BRI3BP: variants seen among roughly 807,000 people sequenced by gnomAD.
BRI3BP encodes BRI3-binding protein.
BRI3BP carries 7 observed loss-of-function variants against 15.8 expected under a neutral mutation model. That is an observed-to-expected ratio of 0.44 (90% CI 0.25 to 0.83). The LOEUF (loss-of-function observed/expected upper bound fraction) is 0.83. Among genes scored for constraint, BRI3BP ranks in the 40% least tolerant of loss-of-function variants. BRI3BP has a pLI of 0.20. For missense variants in BRI3BP, 320 were observed against 339.3 expected (o/e 0.94, Z 0.45); for synonymous variants, 192 against 163.5 (o/e 1.17, Z -1.33).
rs750593120 is a variant in BRI3BP at position 125,006,378 on chromosome 12, G to A, written c.214-6156G>A. On this transcript the variant is annotated intron_variant, in intron 1 of 2. Transcript: ENST00000341446. Reference sequence around the variant, plus strand: ...AACGGCAAGAGATGGGATCCTCCCCGAATTCACCCTCTCCTGCCCGGGGCC... The same window carrying A: ...AACGGCAAGAGATGGGATCCTCCCCAAATTCACCCTCTCCTGCCCGGGGCC... 3.9e-5 allele frequency among the ~76,000 whole-genome samples: 6 copies of A among 152,170 alleles called. No homozygotes were observed. The South Asian group carries it at 6.2e-4, about 16-fold the overall frequency.
downstream of BRI3BP, among the ~76,000 whole-genome samples, chr12:125,031,533 C>T (rs559662789): frequency 6.6e-6 from 1 of 151,728 alleles, no homozygotes; most frequent in Admixed American, 6.6e-5. Context: ...ACCCCGCATA[C>T]CCATGCTGCT....
At chr12:125,035,787 A>G (rs2136005854), downstream of BRI3BP, among the ~76,000 whole-genome samples, 1 of 152,258 alleles carries the variant, frequency 6.6e-6, no homozygotes, top group Admixed American at 6.5e-5. Flanking sequence ...GAAGCTAGCC[A>G]TCTTTCATTA....
At chr12:124,999,236 G>A (rs901887117) in intron 1 of BRI3BP, among the ~76,000 whole-genome samples, 2 of 152,098 alleles carry the variant, frequency 1.3e-5, no homozygotes, top group Non-Finnish European at 2.9e-5. Flanking sequence ...GGTCGTAGTT[G>A]CATGGAATAC....
chr12:125,048,782 T>C, the BRI3BP span, among the ~76,000 whole-genome samples: 1 of 151,658 alleles, frequency 6.6e-6, no homozygotes, highest in South Asian at 2.1e-4. Flanking sequence ...GAGGAAGACA[T>C]GGCATTTAGT....
At chr12:125,039,577 CCT>C in the BRI3BP span, among the ~76,000 whole-genome samples, 1 of 152,082 alleles carries the variant, frequency 6.6e-6, no homozygotes, top group Admixed American at 6.6e-5. Context: ...AAATTGCTCC[CCT>C]GTTTTTAGAT....
At chr12:125,009,281 ATCT>A (rs1955174986) in intron 1 of BRI3BP, among the ~76,000 whole-genome samples, 1 of 94,908 alleles carries the variant, frequency 1.1e-5, no homozygotes, top group South Asian at 3.1e-4. Context: ...GCACCCAGCC[ATCT>A]TTTTTTTTTT....
At chr12:125,002,549 G>T (rs11057974) in intron 1 of BRI3BP, among the ~76,000 whole-genome samples, 1 of 150,414 alleles carries the variant, frequency 6.6e-6, no homozygotes, top group African/African-American at 2.4e-5. Context: ...CTCCGCCTCC[G>T]GGGTTCACGC....
chr12:125,031,327 T>G (rs906977103), downstream of BRI3BP: 2 of 152,178 alleles, frequency 1.3e-5, no homozygotes, highest in African/African-American at 2.4e-5. Flanking sequence ...ATTTATGTAT[T>G]CAGTTGGAGG....
chr12:125,003,248 CA>C (rs1266286329), intron 1 of BRI3BP, among the ~76,000 whole-genome samples: 10 of 152,116 alleles, frequency 6.6e-5, no homozygotes, highest in Admixed American at 1.3e-4. Flanking sequence ...CATTGTCACC[CA>C]ACCCCGGTGT....
rs374553157 is a variant in BRI3BP at position 124,999,679 on chromosome 12, G to A, written c.213+5676G>A. ...GTCGCCCAGGCTGGAGTGCAGTGGCGCAATTTCGGCTCACTGCAAGCTCCA... is the reference window on the plus strand; with the variant it reads ...GTCGCCCAGGCTGGAGTGCAGTGGCACAATTTCGGCTCACTGCAAGCTCCA... On this transcript the variant is annotated intron_variant, in intron 1 of 2. Coordinates refer to ENST00000341446, the MANE Select transcript of BRI3BP (RefSeq NM_080626.6). 6.4e-4 allele frequency among the ~76,000 whole-genome samples: 96 copies of A among 149,604 alleles called. 2 individuals carry two copies. The East Asian group carries it at 0.018, about 29-fold the overall frequency.
the BRI3BP span, among the ~76,000 whole-genome samples, chr12:125,044,135 T>C: frequency 6.6e-6 from 1 of 151,894 alleles, no homozygotes; most frequent in Non-Finnish European, 1.5e-5. Flanking sequence ...AGGGTCTTTT[T>C]TGTTTTTGTT....
intron 2 of BRI3BP, among the ~76,000 whole-genome samples, chr12:125,024,786 A>G (rs1398868130): frequency 6.6e-6 from 1 of 151,968 alleles, no homozygotes; most frequent in Non-Finnish European, 1.5e-5. Flanking sequence ...GCAACAGAGC[A>G]AGACTCCATC....
intron 1 of BRI3BP, among the ~76,000 whole-genome samples, chr12:125,005,850 C>G (rs1299130112): frequency 6.6e-6 from 1 of 152,024 alleles, no homozygotes; most frequent in Non-Finnish European, 1.5e-5. Flanking sequence ...GGAACTGCCT[C>G]CAGGCTTTGG....
chr12:124,998,447 G>A (rs905673820), intron 1 of BRI3BP, among the ~76,000 whole-genome samples: 12 of 152,156 alleles, frequency 7.9e-5, no homozygotes, highest in African/African-American at 2.9e-4. Context: ...AAGGAATGAA[G>A]TATTGCTATA....
Position 125,026,401 on chromosome 12 carries a change from C to A in BRI3BP, c.*971C>A, listed in dbSNP as rs1277444366. Reference sequence around the variant, plus strand: ...GCTAATATTCTCAAGTATATTGCTGCTTAGAAAGATCCTCAGGAACAATTA... The same window carrying A: ...GCTAATATTCTCAAGTATATTGCTGATTAGAAAGATCCTCAGGAACAATTA... On this transcript the variant is annotated 3_prime_UTR_variant, in exon 3 of 3. Transcript: ENST00000341446. 1 of 151,714 alleles carries A rather than the reference C, an allele frequency of 6.6e-6. No individual in the cohort carries two copies. Among genetic ancestry groups the A allele is most frequent in the Non-Finnish European group, 1.5e-5 (1 of 67,990 alleles). The allele number at this position is 151,714 out of a possible 1,614,324, so 9.4% of individuals were successfully genotyped here. A position where few individuals can be genotyped will look rare whatever the true frequency, so the allele number is the denominator to read the frequency against.
the BRI3BP span, among the ~76,000 whole-genome samples, chr12:125,041,362 T>A: frequency 6.6e-6 from 1 of 152,156 alleles, no homozygotes; most frequent in South Asian, 2.1e-4. Flanking sequence ...AGCATTATTT[T>A]AAAATGAATT....
intron 1 of BRI3BP, among the ~76,000 whole-genome samples, chr12:125,002,249 C>G (rs1038522997): frequency 2.0e-5 from 3 of 152,084 alleles, no homozygotes; most frequent in Admixed American, 1.3e-4. Flanking sequence ...CTGGGTCATA[C>G]AGGAACTTTT....
chr12:125,016,427 G>C (rs1372719165), intron 2 of BRI3BP, among the ~76,000 whole-genome samples: 4 of 145,840 alleles, frequency 2.7e-5, no homozygotes, highest in Non-Finnish European at 6.0e-5. Flanking sequence ...AAAAAAATGT[G>C]AGCCCCCTAG....
chr12:124,994,017 C>T lies in BRI3BP; in HGVS notation c.213+14C>T. The T allele has an allele frequency of 1.5e-6, 2 of 1,318,170 alleles. No individual in the cohort carries two copies. The highest frequency in any genetic ancestry group is 2.6e-4 in the Middle Eastern group (1 of 3,870). The allele number at this position is 1,318,170 out of a possible 1,614,324, so 81.7% of individuals were successfully genotyped here. On this transcript the variant is annotated intron_variant, in intron 1 of 2. Transcript: ENST00000341446. The stretch of plus-strand genomic sequence containing the variant: ...GCCGCTCAGAAGGTGGGCGCCGGGC[C>T]CGCGCCCGCGGTCACCTTGCCCCGG...
Sources: allele counts gnomAD v4.1 joint callset (sites outside exome capture counted in the v4.1 genomes callset), GRCh38; gene constraint gnomAD v4.1.1; transcripts MANE v1.5; gene names NCBI Gene and HGNC (gene_info 2026-07-23, HGNC 2026-07-21).